IKZF5: variants seen among roughly 807,000 people sequenced by gnomAD.
The protein encoded by IKZF5 is zinc finger protein Pegasus.
In IKZF5, 4 loss-of-function variants were observed where a neutral mutation model predicts 30.7. The ratio of observed to expected loss-of-function variants is 0.13; its 90% CI spans 0.06 to 0.30. The LOEUF (loss-of-function observed/expected upper bound fraction) is 0.30. Ranked by LOEUF, IKZF5 falls within the 10% of genes least tolerant of loss-of-function variation. The pLI, the probability that IKZF5 is intolerant of heterozygous loss-of-function variation, is 1.00. For missense variants in IKZF5, 348 were observed against 525.5 expected (o/e 0.66, Z 3.30); for synonymous variants, 148 against 179.6 (o/e 0.82, Z 1.41).
chr10:123,003,978 T>C (rs1250759390), intron 2 of IKZF5, among the ~76,000 whole-genome samples: 2 of 152,354 alleles, frequency 1.3e-5, no homozygotes, highest in East Asian at 3.9e-4. Context: ...TCCGTTGTTT[T>C]TTTCCCCATC....
In IKZF5 at chr10:122,994,080, A is replaced by G. The variant is rs932684472; in HGVS notation, c.960T>C (p.Ser320=). ...PTSPEPRPSH[S]QRNYSPVAGP... Reference sequence around the variant, plus strand: ...CTGCCACTGGACTATAGTTCCTTTGACTATGGGATGGCCGAGGTTCTGGGC... The same window carrying G: ...CTGCCACTGGACTATAGTTCCTTTGGCTATGGGATGGCCGAGGTTCTGGGC... The change falls in exon 5 of 5, where the codon AGT becomes AGC. Residue 320 remains serine (S), a synonymous_variant. Transcript: ENST00000368886. This position sits in a 1 kb window ranked among gnomAD's most constrained non-coding sequence, Gnocchi z 5.6. 1 of 1,614,040 alleles carries G rather than the reference A, an allele frequency of 6.2e-7. No individual in the cohort carries two copies.
chr10:122,996,592 T>C (rs540329599), intron 3 of IKZF5, among the ~76,000 whole-genome samples: 32 of 151,936 alleles, frequency 2.1e-4, no homozygotes, highest in African/African-American at 7.5e-4. Flanking sequence ...TAGTCCCAGC[T>C]ACTCAGGAGG....
Position 122,998,543 on chromosome 10 carries a change from A to G in IKZF5, c.83T>C (p.Met28Thr). The G allele has an allele frequency of 6.2e-7, 1 of 1,613,652 alleles. No individual in the cohort carries two copies. Among genetic ancestry groups the G allele is most frequent in the East Asian group, 2.2e-5 (1 of 44,868 alleles). The stretch of plus-strand genomic sequence containing the variant: ...GTCCCCACTAACTGATCCAGAAATC[A>G]TGTTCACGTGATGGGTCTGCTGAGT... ...YLTQQTHHVN[M>T]ISGSVSGDKE... The change falls in exon 3 of 5, where the codon ATG (methionine) becomes ACG (threonine). Residue 28 changes from methionine to threonine, a missense_variant. Met to Thr is a moderately conservative substitution (Grantham distance 81). This residue lies in a region of IKZF5 where 80 missense variants were observed against 93.2 expected (regional missense o/e 0.86). Coordinates refer to ENST00000368886, the MANE Select transcript of IKZF5 (RefSeq NM_001372123.1).
At chr10:123,005,990 C>T (rs900567744) in intron 2 of IKZF5, among the ~76,000 whole-genome samples, 10 of 152,134 alleles carry the variant, frequency 6.6e-5, no homozygotes, top group Non-Finnish European at 1.5e-4. Flanking sequence ...CCAAATCCTT[C>T]CTGTGATTAT....
rs1020246862 is a variant in IKZF5, at chr10:122,991,515, G to T, written c.*2265C>A. ...AAATATTTGATTAAAAATAAAATGA[G>T]TGAAACATTCAATACAGAGGGGAAG... is the stretch of plus-strand genomic sequence containing the variant. On this transcript the variant is annotated 3_prime_UTR_variant, in exon 5 of 5. Transcript: ENST00000368886. 6.6e-6 allele frequency: 1 copy of T among 152,132 alleles called. No homozygotes were observed. The highest frequency in any genetic ancestry group is 2.4e-5 in the African/African-American group (1 of 41,438). The allele number at this position is 152,132 out of a possible 1,614,324, so 9.4% of individuals were successfully genotyped here. A position where few individuals can be genotyped will look rare whatever the true frequency, so the allele number is the denominator to read the frequency against.
At chr10:123,005,831 A>G (rs1329293687) in intron 2 of IKZF5, among the ~76,000 whole-genome samples, 4 of 152,228 alleles carry the variant, frequency 2.6e-5, no homozygotes, top group East Asian at 1.9e-4. Context: ...CCCAGCCTCC[A>G]GAACTGTGAG....
intron 1 of IKZF5, among the ~76,000 whole-genome samples, chr10:123,007,761 T>TAACC: frequency 6.6e-6 from 1 of 152,214 alleles, no homozygotes; most frequent in African/African-American, 2.4e-5. Flanking sequence ...TCAATAATAA[T>TAACC]AACCTTTAGC....
chr10:122,999,472 C>T (rs61863177), intron 2 of IKZF5, among the ~76,000 whole-genome samples: 4,241 of 152,268 alleles, frequency 0.028, 108 homozygotes, highest in Non-Finnish European at 0.04. Flanking sequence ...CTTTGCAAGC[C>T]ATGCTCATCT....
In IKZF5 at chr10:122,993,599, A is replaced by T; in HGVS notation, c.*181T>A. On this transcript the variant is annotated 3_prime_UTR_variant, in exon 5 of 5. Coordinates refer to ENST00000368886, the MANE Select transcript of IKZF5 (RefSeq NM_001372123.1). Reference sequence around the variant, plus strand: ...GTCTAACTGTTCTAATATATAAATGACCCTGACCAGATTTTTATGAAAAAA... The same window carrying T: ...GTCTAACTGTTCTAATATATAAATGTCCCTGACCAGATTTTTATGAAAAAA... The T allele has an allele frequency of 2.1e-6, 1 of 487,296 alleles. No homozygotes were observed. The highest frequency in any genetic ancestry group is 3.6e-6 in the Non-Finnish European group (1 of 279,292). The allele number at this position is 487,296 out of a possible 1,614,324, so 30.2% of individuals were successfully genotyped here.
intron 3 of IKZF5, 107 bp from the exon 4 acceptor site, chr10:122,996,283 C>T (rs1302481510): frequency 1.1e-6 from 1 of 939,480 alleles, no homozygotes; most frequent in African/African-American, 1.6e-5. Context: ...GTTCACTTCT[C>T]ACAAAAGTTA....
rs1415005112 is a variant in IKZF5 at position 122,994,047 on chromosome 10, G to A, written c.993C>T (p.Ser331=). The A allele has an allele frequency of 1.9e-6, 3 of 1,613,996 alleles. No individual in the cohort carries two copies. The African/African-American group carries it at 4.0e-5, about 22-fold the overall frequency. Reference sequence around the variant, plus strand: ...TGCTCGTGTGGGCACTTGGCTCACTGCTTGGACCTGCCACTGGACTATAGT... The same window carrying A: ...TGCTCGTGTGGGCACTTGGCTCACTACTTGGACCTGCCACTGGACTATAGT... The part of the protein sequence containing the change: ...QRNYSPVAGP[S]SEPSAHTSTP... The change falls in exon 5 of 5, where the codon AGC becomes AGT. Residue 331 remains serine (S), a synonymous_variant. Transcript: ENST00000368886. This position sits in a 1 kb window ranked among gnomAD's most constrained non-coding sequence, Gnocchi z 5.6.
rs1156262714 is a variant in IKZF5 at position 122,996,067 on chromosome 10, C to T, written c.243G>A (p.Lys81=). 3.1e-6 allele frequency: 5 copies of T among 1,614,136 alleles called. No homozygotes were observed. Among genetic ancestry groups the T allele is most frequent in the Non-Finnish European group, 4.2e-6 (5 of 1,180,030 alleles). ...VDGFERTFDG[K]LKCRYCNYAS... Reference sequence around the variant, plus strand: ...CATAGTTGCAGTACCGACACTTAAGCTTCCCATCAAAGGTCCTTTCAAACC... The same window carrying T: ...CATAGTTGCAGTACCGACACTTAAGTTTCCCATCAAAGGTCCTTTCAAACC... Residue 81 remains lysine, a synonymous_variant, in exon 4 of 5, where the codon AAG becomes AAA. Coordinates refer to ENST00000368886, the MANE Select transcript of IKZF5 (RefSeq NM_001372123.1).
Position 122,992,629 on chromosome 10 carries a change from CCTTT to C in IKZF5, c.*1147_*1150del, listed in dbSNP as rs572149371. 3.4e-3 allele frequency: 516 copies of C among 152,266 alleles called. 4 individuals are homozygous for C. Among genetic ancestry groups the C allele is most frequent in the African/African-American group, 0.012 (488 of 41,552 alleles). The allele number at this position is 152,266 out of a possible 1,614,324, so 9.4% of individuals were successfully genotyped here. ...TATATTCACTTCCACACCTTTTTAT[CCTTT>C]CTTACTAAAGCGATGATTTAGTTTC... is the stretch of plus-strand genomic sequence containing the variant. On this transcript the variant is annotated 3_prime_UTR_variant, in exon 5 of 5. Coordinates refer to ENST00000368886, the MANE Select transcript of IKZF5 (RefSeq NM_001372123.1).
chr10:122,994,281 A>T lies in IKZF5; in HGVS notation c.759T>A (p.Asn253Lys). Residue 253 changes from asparagine to lysine, a missense_variant, in exon 5 of 5, where the codon AAT (asparagine) becomes AAA (lysine). Transcript: ENST00000368886. This position sits in a 1 kb window ranked among gnomAD's most constrained non-coding sequence, Gnocchi z 5.6. ...PQELMVDNPL[N>K]QLSTLAGQLS... is the part of the protein sequence containing the mutation. ...ACTGCCCTGCTAGAGTCGAGAGCTG[A>T]TTCAAAGGGTTATCAACCATGAGTT... 6.2e-7 allele frequency: 1 copy of T among 1,614,032 alleles called. No individual in the cohort carries two copies. The highest frequency in any genetic ancestry group is 8.5e-7 in the Non-Finnish European group (1 of 1,179,996).
chr10:122,995,502 G>A (rs1849331540), intron 4 of IKZF5, among the ~76,000 whole-genome samples: 1 of 152,170 alleles, frequency 6.6e-6, no homozygotes, highest in African/African-American at 2.4e-5. Flanking sequence ...CAGGATGCAT[G>A]AAGCACACAG....
intron 4 of IKZF5, among the ~76,000 whole-genome samples, chr10:122,995,274 T>C (rs1008109914): frequency 6.6e-6 from 1 of 152,368 alleles, no homozygotes; most frequent in Non-Finnish European, 1.5e-5. Context: ...TCCATCTTCC[T>C]ACTCTTCAGC....
chr10:122,995,228 T>C (rs1206722350), intron 4 of IKZF5, among the ~76,000 whole-genome samples: 1 of 152,258 alleles, frequency 6.6e-6, no homozygotes. Context: ...GTCTGAGTTA[T>C]GCAAAGCATC....
chr10:123,008,771 C>G lies in IKZF5; in HGVS notation c.-275G>C, dbSNP rs1849933157. 1 of 609,566 alleles carries G rather than the reference C, an allele frequency of 1.6e-6. No individual in the cohort carries two copies. The highest frequency in any genetic ancestry group is 2.8e-5 in the Admixed American group (1 of 35,960). 37.8% of individuals were successfully genotyped at this position (609,566 alleles called of 1,614,324 possible). A position where few individuals can be genotyped will look rare whatever the true frequency, so the allele number is the denominator to read the frequency against. On this transcript the variant is annotated 5_prime_UTR_variant, in exon 1 of 5. Coordinates refer to ENST00000368886, the MANE Select transcript of IKZF5 (RefSeq NM_001372123.1). ...GCCGCCGCCGTCTTCGTCACCGTCA[C>G]AGTCGCCGCCGCCATCTTTGTTGTG...
chr10:123,008,491 C>A, intron 1 of IKZF5: 1 of 163,154 alleles, frequency 6.1e-6, no homozygotes, highest in South Asian at 1.3e-4. Flanking sequence ...CGGCCATAGG[C>A]GCCGCAGTCC....
Sources: allele counts gnomAD v4.1 joint callset (sites outside exome capture counted in the v4.1 genomes callset), GRCh38; gene constraint gnomAD v4.1.1; regional missense constraint gnomAD v4.1.1; non-coding constraint Gnocchi (gnomAD v3.1); transcripts MANE v1.5; gene names NCBI Gene and HGNC (gene_info 2026-07-23, HGNC 2026-07-21).